CLMN: variants seen among roughly 807,000 people sequenced by gnomAD.
The protein encoded by CLMN is calmin, also known as calmin (calponin-like, transmembrane).
CLMN carries 57 observed loss-of-function variants against 92.7 expected under a neutral mutation model. That is an observed-to-expected ratio of 0.61 (90% CI 0.50 to 0.77). CLMN has a LOEUF of 0.77. CLMN is among the 30% of genes least tolerant of loss of function. CLMN has a pLI of 0.00. For synonymous variants in CLMN, 466 were observed against 470.6 expected (o/e 0.99, Z 0.13); for missense variants, 1,158 against 1,237.5 (o/e 0.94, Z 0.96).
intron 1 of CLMN, among the ~76,000 whole-genome samples, chr14:95,231,357 T>C (rs891772663): frequency 6.6e-6 from 1 of 152,034 alleles, no homozygotes; most frequent in African/African-American, 2.4e-5. Context: ...CCACCATGCC[T>C]GGCTAATTTT....
chr14:95,309,542 A>G (rs975544652), intron 1 of CLMN, among the ~76,000 whole-genome samples: 2 of 152,194 alleles, frequency 1.3e-5, no homozygotes, highest in African/African-American at 4.8e-5. Flanking sequence ...ACACAACGAC[A>G]CCACCTTCTC....
At chr14:95,233,733 G>A (rs1053660599) in intron 1 of CLMN, among the ~76,000 whole-genome samples, 2 of 152,230 alleles carry the variant, frequency 1.3e-5, no homozygotes, top group Non-Finnish European at 2.9e-5. Flanking sequence ...AGGGCCCTAA[G>A]AGGCTCTGCT....
At position 95,203,061 on chromosome 14, in the gene CLMN, T is replaced by G. The variant is rs1487103033; in HGVS notation, c.2288A>C (p.Tyr763Ser). The change falls in exon 9 of 13, where the codon TAT becomes TCT. Residue 763 changes from tyrosine to serine, a missense_variant. Tyr to Ser is a moderately radical substitution (Grantham distance 144, BLOSUM62 -2). Transcript: ENST00000298912. ...CTCCCTGGAGTCCAGGTCTGGCATA[T>G]AGCCCTCTGGCTCTTCGAGATCCAT... is the stretch of plus-strand genomic sequence containing the variant. ...EEMDLEEPEG[Y>S]MPDLDSREEE... The G allele has an allele frequency of 6.2e-7, 1 of 1,614,110 alleles. No homozygotes were observed. Among genetic ancestry groups the G allele is most frequent in the Admixed American group, 1.7e-5 (1 of 60,026 alleles).
intron 1 of CLMN, among the ~76,000 whole-genome samples, chr14:95,254,174 C>T (rs1296295874): frequency 6.6e-6 from 1 of 152,174 alleles, no homozygotes; most frequent in African/African-American, 2.4e-5. Flanking sequence ...CTTTCTCACC[C>T]ATCGTGCAGT....
intron 1 of CLMN, among the ~76,000 whole-genome samples, chr14:95,303,493 C>T (rs1017404388): frequency 6.6e-6 from 1 of 152,206 alleles, no homozygotes; most frequent in Non-Finnish European, 1.5e-5. Context: ...CATTAGAGAA[C>T]GTCCTCTGCC....
chr14:95,283,682 T>C (rs1900226934), intron 1 of CLMN, among the ~76,000 whole-genome samples: 1 of 152,210 alleles, frequency 6.6e-6, no homozygotes, highest in Non-Finnish European at 1.5e-5. Flanking sequence ...TCCCCTGCCC[T>C]AGAGATGTGT....
rs1178041563 is a variant in CLMN, at chr14:95,314,106, G to C, written c.82+5605C>G. On this transcript the variant is annotated intron_variant, in intron 1 of 12. Coordinates refer to ENST00000298912, the MANE Select transcript of CLMN (RefSeq NM_024734.4). ...CTCCCTGCTGCAAAGCCATTTGTGA[G>C]ATGGGCTTCTGTTTTACCTGGCCCC... Among the ~76,000 whole-genome samples the C allele has an allele frequency of 7.3e-4, 111 of 152,350 alleles. 1 individual carries two copies. Among genetic ancestry groups the C allele is most frequent in the African/African-American group, 2.5e-3 (105 of 41,580 alleles).
intron 1 of CLMN, among the ~76,000 whole-genome samples, chr14:95,287,112 T>C (rs377613159): frequency 1.3e-4 from 20 of 152,312 alleles, no homozygotes; most frequent in African/African-American, 4.3e-4. Context: ...GCCTCCTATC[T>C]TCCCTCCTGT....
At chr14:95,245,243 TATATATATATAATA>T (rs1898483014) in intron 1 of CLMN, among the ~76,000 whole-genome samples, 1 of 33,964 alleles carries the variant, frequency 2.9e-5, no homozygotes, top group Non-Finnish European at 4.6e-5. Context: ...ATATATTATA[TATATATATATAATA>T]TATATATATA....
At chr14:95,192,014 C>T (rs188852176) in intron 12 of CLMN, 175 of 303,810 alleles carry the variant, frequency 5.8e-4, no homozygotes, top group African/African-American at 3.5e-3. Context: ...CACACTGAGG[C>T]TTTCGGGGTG....
At chr14:95,209,821 T>TACATATGGTAG (rs1897144814) in intron 7 of CLMN, among the ~76,000 whole-genome samples, 1 of 152,076 alleles carries the variant, frequency 6.6e-6, no homozygotes, top group African/African-American at 2.4e-5. Flanking sequence ...GTATACGGAG[T>TACATATGGTAG]CCTACGTTAG....
rs190090375 is a variant in CLMN at position 95,317,533 on chromosome 14, A to C, written c.82+2178T>G. Among the ~76,000 whole-genome samples, 367 of 151,998 alleles carry C rather than the reference A, an allele frequency of 2.4e-3. 11 individuals are homozygous for C. The highest frequency in any genetic ancestry group is 0.022 in the Admixed American group (329 of 15,242). On this transcript the variant is annotated intron_variant, in intron 1 of 12. Transcript: ENST00000298912. Reference sequence around the variant, plus strand: ...CGGGGCATCCATACCATGGAATAGTACTCAGCAAGAAAGGAAGTCCAGATA... The same window carrying C: ...CGGGGCATCCATACCATGGAATAGTCCTCAGCAAGAAAGGAAGTCCAGATA...
Position 95,294,632 on chromosome 14 carries a change from A to T in CLMN, c.82+25079T>A, listed in dbSNP as rs2140767221. ...CTTATTTTCAGGTGTGATGGTGAGG[A>T]TTAGGATAAATCCCTGTGCTAGTCT... On this transcript the variant is annotated intron_variant, in intron 1 of 12. Transcript: ENST00000298912. The surrounding 1 kb of genome is among the most constrained non-coding windows in gnomAD (Gnocchi z 4.2). 6.6e-6 allele frequency among the ~76,000 whole-genome samples: 1 copy of T among 152,290 alleles called. No individual in the cohort carries two copies. Among genetic ancestry groups the T allele is most frequent in the East Asian group, 1.9e-4 (1 of 5,174 alleles).
intron 7 of CLMN, among the ~76,000 whole-genome samples, chr14:95,209,789 T>A (rs1189645918): frequency 6.6e-6 from 1 of 152,206 alleles, no homozygotes; most frequent in African/African-American, 2.4e-5. Context: ...GCAAGGACGG[T>A]GAACCAGGCA....
chr14:95,292,999 G>T (rs573622290), intron 1 of CLMN, among the ~76,000 whole-genome samples: 1 of 152,140 alleles, frequency 6.6e-6, no homozygotes, highest in Non-Finnish European at 1.5e-5. Context: ...GCACATAGCC[G>T]TCCATGGCCA....
At position 95,203,800 on chromosome 14, in the gene CLMN, G is replaced by A. The variant is rs370362581; in HGVS notation, c.1549C>T (p.Arg517Cys). 1.1e-4 allele frequency: 176 copies of A among 1,614,080 alleles called. No individual in the cohort carries two copies. Among genetic ancestry groups the A allele is most frequent in the South Asian group, 2.2e-4 (20 of 91,074 alleles). ...SCNGALESTA[R>C]HDEESHSLSP... is the part of the protein sequence containing the mutation. ...AGAGAGTGACTTTCTTCATCGTGGC[G>A]GGCTGTACTCTCTAAAGCACCATTA... The change falls in exon 9 of 13, where the codon CGC (arginine) becomes TGC (cysteine). Residue 517 changes from arginine to cysteine, a missense_variant. Coordinates refer to ENST00000298912, the MANE Select transcript of CLMN (RefSeq NM_024734.4).
chr14:95,318,516 T>C (rs555276600), intron 1 of CLMN, among the ~76,000 whole-genome samples: 27 of 152,078 alleles, frequency 1.8e-4, no homozygotes, highest in Admixed American at 3.3e-4. Context: ...TTCAATCAGG[T>C]GTAATGTTTA....
chr14:95,221,897 C>A, intron 3 of CLMN, 123 bp from the exon 4 acceptor site: 3 of 924,802 alleles, frequency 3.2e-6, no homozygotes, highest in Non-Finnish European at 3.2e-6. Flanking sequence ...GTTAGGGGCT[C>A]ACAGCTAAAA....
At chr14:95,290,696 T>C (rs1269275019) in intron 1 of CLMN, among the ~76,000 whole-genome samples, 1 of 152,222 alleles carries the variant, frequency 6.6e-6, no homozygotes, top group Non-Finnish European at 1.5e-5. Flanking sequence ...TCCAGAACTG[T>C]GAGATGCCAC....
Sources: gnomAD v4.1 joint callset for allele counts (sites outside exome capture counted in the v4.1 genomes callset) on GRCh38, gnomAD v4.1.1 for gene constraint, Gnocchi (gnomAD v3.1) non-coding constraint, MANE v1.5 for transcripts, NCBI Gene and HGNC (gene_info 2026-07-23, HGNC 2026-07-21) for gene names.